Variants in GREB1 observed in about 807,000 individuals in gnomAD.
GREB1 encodes the protein growth regulating estrogen receptor binding 1.
A neutral mutation model predicts 200.7 loss-of-function variants in GREB1; 106 were observed. The observed-to-expected ratio is 0.53, with a 90% CI of 0.45 to 0.62. The LOEUF (loss-of-function observed/expected upper bound fraction) is 0.62. Ranked by LOEUF, GREB1 falls within the 20% of genes least tolerant of loss-of-function variation. The probability of loss-of-function intolerance (pLI) is 0.00; values close to 1 mark genes in which losing one functional copy is unlikely to be tolerated. For missense variants in GREB1, 2,243 were observed against 2,556.8 expected (o/e 0.88, Z 2.65); for synonymous variants, 1,132 against 1,092.4 (o/e 1.04, Z -0.72).
intron 1 of GREB1, among the ~76,000 whole-genome samples, chr2:11,490,618 A>G (rs1672756198): frequency 6.6e-6 from 1 of 152,178 alleles, no homozygotes; most frequent in Non-Finnish European, 1.5e-5. Flanking sequence ...GTGCCATCTC[A>G]GCTCACTGCA....
At chr2:11,544,871 G>A (rs1675113770) in intron 1 of GREB1, among the ~76,000 whole-genome samples, 1 of 152,204 alleles carries the variant, frequency 6.6e-6, no homozygotes, top group African/African-American at 2.4e-5. Flanking sequence ...CTGGAGTGCA[G>A]TAGTGCGTTC....
chr2:11,568,239 G>C (rs890236227), intron 4 of GREB1, among the ~76,000 whole-genome samples: 1 of 152,198 alleles, frequency 6.6e-6, no homozygotes, highest in South Asian at 2.1e-4. Context: ...TCCACGGGTA[G>C]TTACTGAGCA....
chr2:11,611,510 T>TG (rs1284271275), intron 18 of GREB1, among the ~76,000 whole-genome samples: 1 of 152,158 alleles, frequency 6.6e-6, no homozygotes, highest in Non-Finnish European at 1.5e-5. Flanking sequence ...TTCTCCATGT[T>TG]GCCCCGGCTG....
At position 11,515,142 on chromosome 2, in the gene GREB1, C is replaced by T. The variant is rs1673455359; in HGVS notation, c.-159+32761C>T. Among the ~76,000 whole-genome samples, 2 of 151,028 alleles carry T rather than the reference C, an allele frequency of 1.3e-5. 1 individual carries two copies. Among genetic ancestry groups the T allele is most frequent in the African/African-American group, 4.9e-5 (2 of 40,768 alleles). On this transcript the variant is annotated intron_variant, in intron 1 of 2. Coordinates refer to the GREB1 transcript ENST00000628795. ...TCCATCCATCCATCCATCCACCCAC[C>T]CCCCATCCGTCCATCTATCCATCCA...
At chr2:11,490,886 T>C (rs1013488064) in intron 1 of GREB1, among the ~76,000 whole-genome samples, 1 of 152,208 alleles carries the variant, frequency 6.6e-6, no homozygotes, top group East Asian at 1.9e-4. Context: ...GTACGTACTT[T>C]AGGAGTAGAA....
chr2:11,570,851 A>C (rs1326460327), intron 4 of GREB1, among the ~76,000 whole-genome samples: 3 of 152,130 alleles, frequency 2.0e-5, no homozygotes, highest in Admixed American at 2.0e-4. Flanking sequence ...TATATGTTTC[A>C]AACCTCCCAA....
intron 4 of GREB1, among the ~76,000 whole-genome samples, chr2:11,568,881 C>G (rs552714554): frequency 2.6e-5 from 4 of 152,234 alleles, no homozygotes; most frequent in African/African-American, 7.2e-5. Context: ...AATAAAATAA[C>G]TTTATGCTCT....
chr2:11,552,101 G>A (rs541318792), intron 1 of GREB1, among the ~76,000 whole-genome samples: 4 of 152,332 alleles, frequency 2.6e-5, no homozygotes, highest in South Asian at 4.1e-4. Flanking sequence ...ATCACTTTGC[G>A]TGGGGTTGCG....
rs934209313 is a variant in GREB1, at chr2:11,496,623, T to C, written c.-159+14242T>C. Among the ~76,000 whole-genome samples, 6 of 148,502 alleles carry C rather than the reference T, an allele frequency of 4.0e-5. No individual in the cohort carries two copies. The East Asian group carries it at 1.2e-3, about 30-fold the overall frequency. ...TGGCAAGCTGCTAGCAAGAAGAATA[T>C]TGTTAAAATGCTGATCTATAGTATT... On this transcript the variant is annotated intron_variant, in intron 1 of 2. Transcript: ENST00000628795.
At position 11,597,776 on chromosome 2, in the gene GREB1, T is replaced by C. The variant is rs750352092; in HGVS notation, c.1955-5T>C. On this transcript the variant is annotated splice_polypyrimidine_tract_variant and splice_region_variant and intron_variant, in intron 13 of 32. Transcript: ENST00000381486. This position sits in a 1 kb window ranked among gnomAD's most constrained non-coding sequence, Gnocchi z 4.1. ...TCACCTGGCATCCTGGGGCTCTGGT[T>C]CCAGGTTACAATCTGGAGCCACACA... 6.2e-7 allele frequency: 1 copy of C among 1,613,888 alleles called. No individual in the cohort carries two copies.
intron 9 of GREB1, chr2:11,588,321 A>C: frequency 8.9e-7 from 1 of 1,124,148 alleles, no homozygotes; most frequent in Non-Finnish European, 1.1e-6. Context: ...AATGCAGGGC[A>C]GAATCCTCCC....
At chr2:11,512,958 C>T (rs551849147) in intron 1 of GREB1, among the ~76,000 whole-genome samples, 122 of 152,258 alleles carry the variant, frequency 8.0e-4, no homozygotes, top group African/African-American at 2.8e-3. Context: ...GGTGGAGGAA[C>T]CGGTGGGCTG....
At chr2:11,503,086 T>C (rs1673090950) in intron 1 of GREB1, among the ~76,000 whole-genome samples, 1 of 152,152 alleles carries the variant, frequency 6.6e-6, no homozygotes, top group Non-Finnish European at 1.5e-5. Flanking sequence ...TCTAGTTGTG[T>C]GGGGCTAGCA....
chr2:11,485,280 T>A lies in GREB1; in HGVS notation c.-159+2899T>A, dbSNP rs1240945815. Among the ~76,000 whole-genome samples, 763 of 149,556 alleles carry A rather than the reference T, an allele frequency of 5.1e-3. 7 individuals are homozygous for A. Among genetic ancestry groups the A allele is most frequent in the African/African-American group, 0.018 (733 of 40,784 alleles). ...TATTTTATATATATATATGTATTTT[T>A]TTTTTTTTTTGAGACAGAGTCTTGC... On this transcript the variant is annotated intron_variant, in intron 1 of 2. Transcript: ENST00000628795.
intron 4 of GREB1, among the ~76,000 whole-genome samples, chr2:11,575,169 G>A (rs116476576): frequency 1.5e-4 from 23 of 152,322 alleles, no homozygotes; most frequent in African/African-American, 5.3e-4. Flanking sequence ...CCTAAGGCAC[G>A]ATGACCTTTG....
chr2:11,552,828 G>A (rs933479596), intron 1 of GREB1, among the ~76,000 whole-genome samples: 74 of 152,074 alleles, frequency 4.9e-4, no homozygotes, highest in African/African-American at 1.6e-3. Flanking sequence ...TGGCTAACAC[G>A]GTGAAACCCC....
chr2:11,567,197 T>C (rs1012721795), intron 4 of GREB1, among the ~76,000 whole-genome samples: 3 of 152,210 alleles, frequency 2.0e-5, no homozygotes, highest in African/African-American at 7.2e-5. Flanking sequence ...CTGTCTCAGC[T>C]CACTGCGACC....
intron 30 of GREB1, among the ~76,000 whole-genome samples, chr2:11,636,600 C>G (rs1455673778): frequency 6.6e-6 from 1 of 152,240 alleles, no homozygotes; most frequent in Non-Finnish European, 1.5e-5. Flanking sequence ...TAAGGACCAT[C>G]GGGAGAAGCA....
chr2:11,626,581 T>C (rs1400588159), intron 24 of GREB1, among the ~76,000 whole-genome samples: 1 of 152,152 alleles, frequency 6.6e-6, no homozygotes, highest in Non-Finnish European at 1.5e-5. Flanking sequence ...GAGCAAGACC[T>C]TGTCTCCAAA....
Sources: gnomAD v4.1 joint callset for allele counts (sites outside exome capture counted in the v4.1 genomes callset) on GRCh38, gnomAD v4.1.1 for gene constraint, Gnocchi (gnomAD v3.1) non-coding constraint, MANE v1.5 for transcripts, NCBI Gene and HGNC (gene_info 2026-07-23, HGNC 2026-07-21) for gene names.